Variants in CENPP observed in about 807,000 individuals in gnomAD.
CENPP encodes the protein centromere protein P.
Under a neutral mutation model 35.6 loss-of-function variants are expected in CENPP, and 24 were observed. The ratio of observed to expected loss-of-function variants is 0.67; its 90% CI spans 0.49 to 0.95. CENPP has a LOEUF of 0.95. Among genes scored for constraint, CENPP ranks in the 40% least tolerant of loss-of-function variants. The probability of loss-of-function intolerance (pLI) is 0.00; values close to 1 mark genes in which losing one functional copy is unlikely to be tolerated. For missense variants in CENPP, 332 were observed against 345.3 expected (o/e 0.96, Z 0.31); for synonymous variants, 120 against 125.5 (o/e 0.96, Z 0.29).
At chr9:92,383,694 A>G (rs1842323557) in intron 5 of CENPP, among the ~76,000 whole-genome samples, 1 of 152,116 alleles carries the variant, frequency 6.6e-6, no homozygotes, top group Non-Finnish European at 1.5e-5. Flanking sequence ...ATGTTCATAT[A>G]TATCCTCTTA....
At chr9:92,591,700 A>C (rs1362934538) in intron 5 of CENPP, among the ~76,000 whole-genome samples, 1 of 152,100 alleles carries the variant, frequency 6.6e-6, no homozygotes, top group Non-Finnish European at 1.5e-5. Context: ...GGATAAGATA[A>C]ATGTGACAGA....
intron 5 of CENPP, chr9:92,528,162 CTTA>C (rs1848530180): frequency 6.6e-6 from 1 of 152,324 alleles, no homozygotes; most frequent in Non-Finnish European, 1.5e-5. Flanking sequence ...CCTGAAACAA[CTTA>C]AAAATAGAGC....
chr9:92,557,078 T>C (rs977179355), intron 5 of CENPP, among the ~76,000 whole-genome samples: 3 of 152,230 alleles, frequency 2.0e-5, no homozygotes, highest in Admixed American at 6.5e-5. Context: ...ATATCTTTCC[T>C]TCACATGATG....
At chr9:92,481,689 T>C (rs1845918327) in intron 5 of CENPP, among the ~76,000 whole-genome samples, 1 of 152,198 alleles carries the variant, frequency 6.6e-6, no homozygotes, top group Non-Finnish European at 1.5e-5. Flanking sequence ...AATATAGTGC[T>C]AGCTAAACTA....
chr9:92,422,218 A>C (rs1210909929), intron 5 of CENPP, among the ~76,000 whole-genome samples: 2 of 151,758 alleles, frequency 1.3e-5, no homozygotes, highest in African/African-American at 2.4e-5. Flanking sequence ...GACTGGCTAC[A>C]TTTTTTTGTA....
chr9:92,419,364 G>A (rs1200716030), intron 5 of CENPP, among the ~76,000 whole-genome samples: 2 of 146,868 alleles, frequency 1.4e-5, no homozygotes, highest in African/African-American at 2.6e-5. Context: ...GCAGTGGTGC[G>A]ATCTCGGCTC....
intron 5 of CENPP, among the ~76,000 whole-genome samples, chr9:92,421,097 C>T (rs779047448): frequency 2.6e-5 from 4 of 152,186 alleles, no homozygotes; most frequent in East Asian, 3.9e-4. Flanking sequence ...CAGGCTGGAG[C>T]GCAGTGGTGC....
chr9:92,467,738 T>C (rs1206844534), intron 5 of CENPP, among the ~76,000 whole-genome samples: 1 of 152,232 alleles, frequency 6.6e-6, no homozygotes, highest in African/African-American at 2.4e-5. Context: ...CTCATCTCAC[T>C]CTTGGCCCTT....
intron 5 of CENPP, among the ~76,000 whole-genome samples, chr9:92,394,641 G>A (rs1044393776): frequency 6.6e-5 from 10 of 151,520 alleles, no homozygotes; most frequent in African/African-American, 1.7e-4. Flanking sequence ...GTCTCGCTTC[G>A]TCACCCAGGT....
intron 3 of CENPP, among the ~76,000 whole-genome samples, chr9:92,342,017 G>A (rs1383522736): frequency 6.6e-6 from 1 of 152,230 alleles, no homozygotes; most frequent in African/African-American, 2.4e-5. Flanking sequence ...AAGTAAACTT[G>A]TAAGTTTTCA....
At chr9:92,570,894 A>T (rs1850119658) in intron 5 of CENPP, among the ~76,000 whole-genome samples, 1 of 152,166 alleles carries the variant, frequency 6.6e-6, no homozygotes, top group Non-Finnish European at 1.5e-5. Flanking sequence ...ATCTGATAGT[A>T]GTTTGTATTT....
intron 5 of CENPP, among the ~76,000 whole-genome samples, chr9:92,430,992 C>T (rs530422074): frequency 6.6e-6 from 1 of 152,180 alleles, no homozygotes; most frequent in South Asian, 2.1e-4. Context: ...GACAGGGTTT[C>T]ACCATGTCGG....
intron 5 of CENPP, among the ~76,000 whole-genome samples, chr9:92,494,855 C>A (rs528320923): frequency 6.6e-6 from 1 of 151,972 alleles, no homozygotes; most frequent in Admixed American, 6.6e-5. Context: ...TGCAGTGAGC[C>A]GAGATTGCAC....
intron 5 of CENPP, among the ~76,000 whole-genome samples, chr9:92,462,386 A>G (rs1845147973): frequency 6.6e-6 from 1 of 152,206 alleles, no homozygotes; most frequent in Non-Finnish European, 1.5e-5. Context: ...TCAACGGGGC[A>G]TATCCTGACC....
intron 5 of CENPP, chr9:92,457,078 A>G (rs1407167736): frequency 2.2e-5 from 30 of 1,349,336 alleles, no homozygotes; most frequent in South Asian, 3.8e-5. Flanking sequence ...AGAAACTGCA[A>G]TAGATGCTTG....
rs540235455 is a variant in CENPP, at chr9:92,609,654, C to T, written c.565-1660C>T. Among the ~76,000 whole-genome samples the T allele has an allele frequency of 3.3e-5, 5 of 152,248 alleles. No homozygotes were observed. The South Asian group carries it at 6.2e-4, about 19-fold the overall frequency. ...AGCCCTAGGAGCTCGACATCTCAGGCGGAGCCTACCGTGAAAGTCTCCTGT... is the reference window on the plus strand; with the variant it reads ...AGCCCTAGGAGCTCGACATCTCAGGTGGAGCCTACCGTGAAAGTCTCCTGT... On this transcript the variant is annotated intron_variant, in intron 5 of 7. Coordinates refer to ENST00000375587, the MANE Select transcript of CENPP (RefSeq NM_001012267.3).
At chr9:92,544,883 A>AT (rs936707564) in intron 5 of CENPP, among the ~76,000 whole-genome samples, 15 of 150,904 alleles carry the variant, frequency 9.9e-5, no homozygotes, top group African/African-American at 1.9e-4. Context: ...ACCCAGCTAA[A>AT]TTTTTTTTTG....
intron 5 of CENPP, chr9:92,470,528 G>A: frequency 2.0e-6 from 1 of 504,120 alleles, no homozygotes; most frequent in Non-Finnish European, 3.4e-6. Flanking sequence ...TAATTGACTA[G>A]AACGCTGTTG....
rs1554749251 is a variant in CENPP at position 92,325,968 on chromosome 9, C to CT, written c.-30dup. On this transcript the variant is annotated 5_prime_UTR_variant, in exon 1 of 8. Transcript: ENST00000375587. ...CGCGCAGGTCGGAGTGACAGCTGCG[C>CT]TGCCGGCCCGGCTGCGGTCAGCAAC... The CT allele has an allele frequency of 1.3e-6, 2 of 1,533,622 alleles. No individual in the cohort carries two copies. The highest frequency in any genetic ancestry group is 1.8e-6 in the Non-Finnish European group (2 of 1,132,612).
Sources: allele counts gnomAD v4.1 joint callset (sites outside exome capture counted in the v4.1 genomes callset), GRCh38; gene constraint gnomAD v4.1.1; transcripts MANE v1.5; gene names NCBI Gene and HGNC (gene_info 2026-07-23, HGNC 2026-07-21).